Variants in ZNF365 observed in about 807,000 individuals in gnomAD.
The protein encoded by ZNF365 is zinc finger protein 365.
A neutral mutation model predicts 35.0 loss-of-function variants in ZNF365; 22 were observed. The ratio of observed to expected loss-of-function variants is 0.63; its 90% CI spans 0.45 to 0.90. The LOEUF (loss-of-function observed/expected upper bound fraction) is 0.90. Among genes scored for constraint, ZNF365 ranks in the 40% least tolerant of loss-of-function variants. The pLI is 0.00. For synonymous variants in ZNF365, 188 were observed against 196.2 expected (o/e 0.96, Z 0.35); for missense variants, 448 against 500.3 (o/e 0.90, Z 1.00).
chr10:62,434,651 T>C (rs921780064), intron 3 of ZNF365, among the ~76,000 whole-genome samples: 1 of 152,188 alleles, frequency 6.6e-6, no homozygotes, highest in Non-Finnish European at 1.5e-5. Context: ...TAGGAAAGCC[T>C]GCCTCAGAAG....
intron 3 of ZNF365, among the ~76,000 whole-genome samples, chr10:62,408,535 G>C (rs1388635063): frequency 2.0e-5 from 3 of 152,144 alleles, no homozygotes; most frequent in Admixed American, 6.5e-5. Context: ...TCATGGTGCA[G>C]ATTCAATAAG....
intron 2 of ZNF365, among the ~76,000 whole-genome samples, chr10:62,380,840 C>G (rs1340732483): frequency 6.6e-6 from 1 of 152,148 alleles, no homozygotes; most frequent in African/African-American, 2.4e-5. Context: ...GACTTAGTAG[C>G]TAATTTGCTG....
At chr10:62,440,739 C>A (rs980883205) in intron 3 of ZNF365, among the ~76,000 whole-genome samples, 5 of 152,176 alleles carry the variant, frequency 3.3e-5, no homozygotes, top group South Asian at 2.1e-4. Flanking sequence ...AATCCGATTC[C>A]TGGTCCCTAC....
At chr10:62,471,239 A>G (rs1038596883) in intron 4 of ZNF365, among the ~76,000 whole-genome samples, 24 of 151,958 alleles carry the variant, frequency 1.6e-4, no homozygotes, top group Middle Eastern at 3.4e-3. Flanking sequence ...GATGGTAGGC[A>G]CCTGTAGTCC....
intron 4 of ZNF365, among the ~76,000 whole-genome samples, chr10:62,471,173 T>A (rs1841029370): frequency 6.6e-6 from 1 of 152,066 alleles, no homozygotes; most frequent in African/African-American, 2.4e-5. Flanking sequence ...GAGATCATCC[T>A]GGCTAACATG....
intron 3 of ZNF365, among the ~76,000 whole-genome samples, chr10:62,408,433 A>G (rs1008043236): frequency 2.0e-5 from 3 of 152,218 alleles, no homozygotes; most frequent in African/African-American, 7.2e-5. Flanking sequence ...ATATCTAAAG[A>G]AAGACATCAG....
At position 62,446,884 on chromosome 10, in the gene ZNF365, G is replaced by A. The variant is rs74158912; in HGVS notation, c.925-12857G>A. 5.6e-3 allele frequency among the ~76,000 whole-genome samples: 849 copies of A among 152,242 alleles called. 6 individuals are homozygous for A. Among genetic ancestry groups the A allele is most frequent in the African/African-American group, 0.018 (740 of 41,532 alleles). ...GGCGGTAGTGGAGGAAAGAATGGAGGAGCATCTAGGATGCTCCTGAATCAA... is the reference window on the plus strand; with the variant it reads ...GGCGGTAGTGGAGGAAAGAATGGAGAAGCATCTAGGATGCTCCTGAATCAA... On this transcript the variant is annotated intron_variant, in intron 3 of 4. Transcript: ENST00000395255.
In ZNF365 at chr10:62,376,724, G is replaced by A; in HGVS notation, c.531G>A (p.Glu177=). ...TTGAGGCTGTGGATAGGACCATTGA[G>A]AAGAGAATTGATAAACTCACCAAAG... ...RMVEAVDRTI[E]KRIDKLTKEL... Residue 177 remains glutamate, a synonymous_variant, in exon 2 of 5, where the codon GAG becomes GAA. Transcript: ENST00000395254. 1 of 1,614,220 alleles carries A rather than the reference G, an allele frequency of 6.2e-7. No individual in the cohort carries two copies. The highest frequency in any genetic ancestry group is 8.5e-7 in the Non-Finnish European group (1 of 1,180,048).
intron 3 of ZNF365, among the ~76,000 whole-genome samples, chr10:62,424,021 T>A (rs1840214222): frequency 6.6e-6 from 1 of 152,160 alleles, no homozygotes; most frequent in Non-Finnish European, 1.5e-5. Flanking sequence ...GGCTCGAGGT[T>A]AGGATAAAGA....
intron 3 of ZNF365, among the ~76,000 whole-genome samples, chr10:62,389,793 A>T (rs1839595351): frequency 6.6e-6 from 1 of 152,210 alleles, no homozygotes. Flanking sequence ...CCAGAACAAA[A>T]AGAGACTGGA....
chr10:62,461,498 C>T (rs1308111789), intron 4 of ZNF365, among the ~76,000 whole-genome samples: 1 of 152,190 alleles, frequency 6.6e-6, no homozygotes, highest in Non-Finnish European at 1.5e-5. Flanking sequence ...GGGTGGACGC[C>T]CTGCCTGGGC....
intron 4 of ZNF365, among the ~76,000 whole-genome samples, chr10:62,399,037 C>T (rs1839778837): frequency 6.6e-6 from 1 of 152,102 alleles, no homozygotes; most frequent in Non-Finnish European, 1.5e-5. Context: ...TATAGTATAA[C>T]TTTCTCTTAT....
At chr10:62,414,354 T>C (rs4333904) in intron 3 of ZNF365, among the ~76,000 whole-genome samples, 95,335 of 151,428 alleles carry the variant, frequency 0.63, 30,679 homozygotes, top group East Asian at 0.84. Flanking sequence ...CATACCACCA[T>C]ATCTGACTAA....
intron 3 of ZNF365, among the ~76,000 whole-genome samples, chr10:62,448,487 CT>C: frequency 6.6e-6 from 1 of 152,196 alleles, no homozygotes; most frequent in East Asian, 1.9e-4. Flanking sequence ...CACTTTGGCC[CT>C]TTTTTTATTC....
downstream of ZNF365, among the ~76,000 whole-genome samples, chr10:62,405,017 C>G (rs1839884871): frequency 6.6e-6 from 1 of 152,166 alleles, no homozygotes; most frequent in African/African-American, 2.4e-5. Flanking sequence ...GTTGGGGAAA[C>G]AGGAGATGTA....
At chr10:62,419,217 T>C (rs1421340055) in intron 3 of ZNF365, among the ~76,000 whole-genome samples, 1 of 152,134 alleles carries the variant, frequency 6.6e-6, no homozygotes, top group East Asian at 1.9e-4. Flanking sequence ...GATGGTACTA[T>C]GTACTGGCTT....
At chr10:62,439,078 A>T (rs183446278) in intron 3 of ZNF365, among the ~76,000 whole-genome samples, 3 of 152,316 alleles carry the variant, frequency 2.0e-5, no homozygotes, top group East Asian at 3.9e-4. Flanking sequence ...TAAGACTATC[A>T]CCTTGCTGTT....
At chr10:62,439,941 CTAAA>C (rs1840468951) in intron 3 of ZNF365, among the ~76,000 whole-genome samples, 1 of 152,140 alleles carries the variant, frequency 6.6e-6, no homozygotes, top group African/African-American at 2.4e-5. Context: ...AGAGTGGTGG[CTAAA>C]TAAACATGTG....
At chr10:62,390,192 T>C (rs928422132) in intron 3 of ZNF365, among the ~76,000 whole-genome samples, 1 of 152,226 alleles carries the variant, frequency 6.6e-6, no homozygotes, top group Non-Finnish European at 1.5e-5. Context: ...ATATTTCTTC[T>C]GTAAAATGAA....
Sources: gnomAD v4.1 joint callset for allele counts (sites outside exome capture counted in the v4.1 genomes callset) on GRCh38, gnomAD v4.1.1 for gene constraint, MANE v1.5 for transcripts, NCBI Gene and HGNC (gene_info 2026-07-23, HGNC 2026-07-21) for gene names.